CADPS: variants seen among roughly 807,000 people sequenced by gnomAD.
CADPS encodes the protein calcium dependent secretion activator.
A neutral mutation model predicts 167.3 loss-of-function variants in CADPS; 57 were observed. The ratio of observed to expected loss-of-function variants is 0.34; its 90% CI spans 0.28 to 0.42. CADPS has a LOEUF of 0.42. Ranked by LOEUF, CADPS falls within the 20% of genes least tolerant of loss-of-function variation. CADPS has a pLI of 1.00. For synonymous variants in CADPS, 676 were observed against 635.3 expected (o/e 1.06, Z -0.96); for missense variants, 1,414 against 1,738.1 (o/e 0.81, Z 3.32).
intron 3 of CADPS, among the ~76,000 whole-genome samples, chr3:62,675,061 A>T (rs1409219966): frequency 6.6e-6 from 1 of 152,130 alleles, no homozygotes; most frequent in South Asian, 2.1e-4. Context: ...TACTCTACTT[A>T]CCCAGTGCCA....
At chr3:62,445,477 G>A (rs1268388858) in intron 27 of CADPS, among the ~76,000 whole-genome samples, 1 of 151,934 alleles carries the variant, frequency 6.6e-6, no homozygotes, top group Non-Finnish European at 1.5e-5. Flanking sequence ...AAAACAGAAT[G>A]AAACAACAGA....
chr3:62,680,493 C>T (rs553674005), intron 3 of CADPS, among the ~76,000 whole-genome samples: 11 of 152,094 alleles, frequency 7.2e-5, no homozygotes, highest in Admixed American at 5.2e-4. Context: ...CACATCTAAT[C>T]ATTTGCCAAA....
chr3:62,854,726 A>T (rs2079317835), intron 1 of CADPS, among the ~76,000 whole-genome samples: 1 of 152,200 alleles, frequency 6.6e-6, no homozygotes, highest in Non-Finnish European at 1.5e-5. Context: ...TAAAACATCT[A>T]CATTGAGCCT....
intron 3 of CADPS, among the ~76,000 whole-genome samples, chr3:62,662,842 G>A (rs1299989028): frequency 6.6e-6 from 1 of 152,160 alleles, no homozygotes; most frequent in Non-Finnish European, 1.5e-5. Flanking sequence ...GACCATGGAG[G>A]ATTAATAAGT....
At chr3:62,627,883 A>T (rs1247791203) in intron 6 of CADPS, among the ~76,000 whole-genome samples, 1 of 152,150 alleles carries the variant, frequency 6.6e-6, no homozygotes, top group Non-Finnish European at 1.5e-5. Flanking sequence ...TGAGGTCTCA[A>T]GTATATTCAA....
chr3:62,662,606 A>AGCT (rs2073517690), intron 3 of CADPS, among the ~76,000 whole-genome samples: 1 of 152,208 alleles, frequency 6.6e-6, no homozygotes, highest in Non-Finnish European at 1.5e-5. Context: ...TAAGACAGGC[A>AGCT]TTTGAACGAC....
chr3:62,425,709 G>A (rs2052511862), intron 28 of CADPS, among the ~76,000 whole-genome samples: 1 of 152,188 alleles, frequency 6.6e-6, no homozygotes, highest in African/African-American at 2.4e-5. Flanking sequence ...CTGGGTTGAA[G>A]CCATCCTTTG....
intron 3 of CADPS, among the ~76,000 whole-genome samples, chr3:62,667,933 T>A (rs1317842160): frequency 6.6e-6 from 1 of 152,120 alleles, no homozygotes; most frequent in Admixed American, 6.5e-5. Flanking sequence ...GCCTGGAGCC[T>A]CCTTATTAGC....
intron 26 of CADPS, among the ~76,000 whole-genome samples, chr3:62,461,810 T>A (rs1187771533): frequency 6.6e-6 from 1 of 152,224 alleles, no homozygotes; most frequent in South Asian, 2.1e-4. Flanking sequence ...TCCCACCGGA[T>A]AATTTTCTTT....
At chr3:62,564,581 C>T (rs1269201817) in intron 9 of CADPS, among the ~76,000 whole-genome samples, 1 of 148,556 alleles carries the variant, frequency 6.7e-6, no homozygotes. Flanking sequence ...GAACACCAAT[C>T]AAAAAAGTAG....
rs1447305180 is a variant in CADPS, at chr3:62,458,642, C to T, written c.3636+6725G>A. Among the ~76,000 whole-genome samples the T allele has an allele frequency of 1.3e-5, 2 of 152,174 alleles. No individual in the cohort carries two copies. The highest frequency in any genetic ancestry group is 1.3e-4 in the Admixed American group (2 of 15,276). ...CAGTTGGGATTACAGGCACCTGCCA[C>T]CATGCCTGGCTAATTTTTGTATTTT... On this transcript the variant is annotated intron_variant, in intron 26 of 29. Coordinates refer to ENST00000383710, the MANE Select transcript of CADPS (RefSeq NM_003716.4). This position sits in a 1 kb window ranked among gnomAD's most constrained non-coding sequence, Gnocchi z 4.6.
intron 7 of CADPS, among the ~76,000 whole-genome samples, chr3:62,590,575 T>C (rs2085743813): frequency 6.6e-6 from 1 of 152,120 alleles, no homozygotes; most frequent in Non-Finnish European, 1.5e-5. Context: ...CCATCTGTAG[T>C]CTATGCTGCA....
intron 1 of CADPS, among the ~76,000 whole-genome samples, chr3:62,785,018 T>C (rs2092282064): frequency 6.6e-6 from 1 of 152,166 alleles, no homozygotes; most frequent in Non-Finnish European, 1.5e-5. Flanking sequence ...TGGAGATTCA[T>C]ATTATAATAT....
At chr3:62,648,066 T>C (rs2069004232) in intron 5 of CADPS, among the ~76,000 whole-genome samples, 1 of 152,186 alleles carries the variant, frequency 6.6e-6, no homozygotes, top group African/African-American at 2.4e-5. Flanking sequence ...ATGTAAAATA[T>C]GACTTGCACC....
chr3:62,696,994 C>G (rs2151435838), intron 3 of CADPS, among the ~76,000 whole-genome samples: 1 of 152,180 alleles, frequency 6.6e-6, no homozygotes. Context: ...TAGAAGAACC[C>G]TGAGAGATGT....
At chr3:62,422,976 C>T (rs1325301608) in intron 28 of CADPS, among the ~76,000 whole-genome samples, 2 of 152,162 alleles carry the variant, frequency 1.3e-5, no homozygotes, top group Non-Finnish European at 2.9e-5. Context: ...CATTTTACCC[C>T]CCAAATAAAC....
chr3:62,466,643 T>A, intron 24 of CADPS: 1 of 562,424 alleles, frequency 1.8e-6, no homozygotes, highest in Admixed American at 2.8e-5. Flanking sequence ...AGGCTTTCGA[T>A]GCTTCTAATG....
Position 62,476,610 on chromosome 3 carries a change from G to A in CADPS, c.3329+1651C>T, listed in dbSNP as rs536980423. On this transcript the variant is annotated intron_variant, in intron 23 of 29. Transcript: ENST00000383710. ...CTCACCCTCTTTAGGTGTCTGAACC[G>A]TGAAGACATGATTACAGCATGGTAA... is the stretch of plus-strand genomic sequence containing the variant. Among the ~76,000 whole-genome samples, 5 of 152,260 alleles carry A rather than the reference G, an allele frequency of 3.3e-5. 1 individual carries two copies. Among genetic ancestry groups the A allele is most frequent in the African/African-American group, 9.6e-5 (4 of 41,542 alleles).
At chr3:62,826,400 T>C (rs1387511702) in intron 1 of CADPS, among the ~76,000 whole-genome samples, 1 of 152,106 alleles carries the variant, frequency 6.6e-6, no homozygotes, top group Non-Finnish European at 1.5e-5. Flanking sequence ...TGATATTGTA[T>C]GATAGCTATG....
Sources: allele counts gnomAD v4.1 joint callset (sites outside exome capture counted in the v4.1 genomes callset), GRCh38; gene constraint gnomAD v4.1.1; non-coding constraint Gnocchi (gnomAD v3.1); transcripts MANE v1.5; gene names NCBI Gene and HGNC (gene_info 2026-07-23, HGNC 2026-07-21).